The following CREB3L2 variants were observed in gnomAD, a reference collection of about 807,000 sequenced individuals.
The protein encoded by CREB3L2 is cAMP responsive element binding protein 3 like 2, also known as cyclic AMP-responsive element-binding protein 3-like protein 2.
A neutral mutation model predicts 57.2 loss-of-function variants in CREB3L2; 23 were observed. The observed-to-expected ratio is 0.40, with a 90% confidence interval of 0.29 to 0.57. The LOEUF (loss-of-function observed/expected upper bound fraction) is 0.57, where lower values mean the gene tolerates loss of function less well. Ranked by LOEUF, CREB3L2 falls within the 20% of genes least tolerant of loss-of-function variation. The pLI is 0.42. For missense variants in CREB3L2, 628 were observed against 634.7 expected (o/e 0.99, Z 0.11); for synonymous variants, 268 against 265.1 (o/e 1.01, Z -0.11).
intron 11 of CREB3L2, among the ~76,000 whole-genome samples, chr7:137,881,755 T>C (rs1799297129): frequency 6.6e-6 from 1 of 152,106 alleles, no homozygotes; most frequent in East Asian, 1.9e-4. Context: ...CCTCCCCTAT[T>C]ACAACAACAA....
At chr7:137,969,793 CA>C (rs531343885) in intron 1 of CREB3L2, among the ~76,000 whole-genome samples, 4 of 78,512 alleles carry the variant, frequency 5.1e-5, no homozygotes, top group South Asian at 4.4e-4. Context: ...CACACACACA[CA>C]ACATACACAT....
intron 5 of CREB3L2, 26 bp downstream of exon 5, chr7:137,908,226 T>A: frequency 8.0e-7 from 1 of 1,250,350 alleles, no homozygotes; most frequent in Non-Finnish European, 1.0e-6. Context: ...TTCCCTTTGG[T>A]CCAGGAATGC....
intron 7 of CREB3L2, among the ~76,000 whole-genome samples, chr7:137,903,471 C>T (rs1192311151): frequency 6.6e-6 from 1 of 151,374 alleles, no homozygotes; most frequent in East Asian, 1.9e-4. Context: ...CAAAGATTGC[C>T]TTCAAGTGTT....
intron 1 of CREB3L2, among the ~76,000 whole-genome samples, chr7:137,994,882 C>T (rs1585683794): frequency 6.6e-6 from 1 of 152,164 alleles, no homozygotes; most frequent in African/African-American, 2.4e-5. Context: ...TTTCTAGTTG[C>T]TAGCCCATGT....
At position 137,927,407 on chromosome 7, in the gene CREB3L2, G is replaced by A. The variant is rs549336297; in HGVS notation, c.319+743C>T. On this transcript the variant is annotated intron_variant, in intron 2 of 11. Coordinates refer to ENST00000330387, the MANE Select transcript of CREB3L2 (RefSeq NM_194071.4). Reference sequence around the variant, plus strand: ...GAAGGGAGGGAAGGAGGGAAGGAAGGGAAGGGAAGGGAAGCAAGGGAGGGA... The same window carrying A: ...GAAGGGAGGGAAGGAGGGAAGGAAGAGAAGGGAAGGGAAGCAAGGGAGGGA... Among the ~76,000 whole-genome samples the A allele has an allele frequency of 7.7e-4, 99 of 129,138 alleles. 1 individual carries two copies. Among genetic ancestry groups the A allele is most frequent in the African/African-American group, 3.7e-3 (91 of 24,298 alleles). The allele number at this position is 129,138 out of a possible 152,430, so 84.7% of individuals were successfully genotyped here. A position where few individuals can be genotyped will look rare whatever the true frequency, so the allele number is the denominator to read the frequency against.
At position 137,878,558 on chromosome 7, in the gene CREB3L2, C is replaced by CTG. The variant is rs1799209268; in HGVS notation, c.*1917_*1918insCA. On this transcript the variant is annotated 3_prime_UTR_variant, in exon 12 of 12. Coordinates refer to ENST00000330387, the MANE Select transcript of CREB3L2 (RefSeq NM_194071.4). ...AGCAGAAGCAGAACCTACTAGCAAC[C>CTG]CTCCTCCTGCACAGCTCAGACAGTC... The CTG allele has an allele frequency of 4.3e-6, 1 of 233,288 alleles. No homozygotes were observed. Among genetic ancestry groups the CTG allele is most frequent in the Non-Finnish European group, 8.5e-6 (1 of 118,262 alleles). 14.5% of individuals were successfully genotyped at this position (233,288 alleles called of 1,614,324 possible).
At chr7:137,904,082 G>A in intron 6 of CREB3L2, 65 bp from the exon 7 acceptor site, 1 of 1,360,428 alleles carries the variant, frequency 7.4e-7, no homozygotes, top group Non-Finnish European at 1.1e-6. Context: ...AGTTAAGATG[G>A]GAGGTGGTTA....
chr7:137,938,222 G>A (rs954711907), intron 1 of CREB3L2, among the ~76,000 whole-genome samples: 3 of 152,198 alleles, frequency 2.0e-5, no homozygotes, highest in African/African-American at 4.8e-5. Flanking sequence ...CTACCAATAT[G>A]ATGGTAGATG....
Position 137,879,966 on chromosome 7 carries a change from G to C in CREB3L2, c.*510C>G. Reference sequence around the variant, plus strand: ...AGACGATCCAGCGAGGGCTCCCAGGGGGCAGAGTGGGCGGAGGGCTGCTGT... The same window carrying C: ...AGACGATCCAGCGAGGGCTCCCAGGCGGCAGAGTGGGCGGAGGGCTGCTGT... On this transcript the variant is annotated 3_prime_UTR_variant, in exon 12 of 12. Transcript: ENST00000330387. The C allele has an allele frequency of 8.4e-6, 2 of 238,388 alleles. No homozygotes were observed. The highest frequency in any genetic ancestry group is 1.2e-4 in the East Asian group (2 of 16,662). The allele number at this position is 238,388 out of a possible 1,614,324, so 14.8% of individuals were successfully genotyped here. A position where few individuals can be genotyped will look rare whatever the true frequency, so the allele number is the denominator to read the frequency against.
At chr7:137,969,175 A>C (rs1350402104) in intron 1 of CREB3L2, among the ~76,000 whole-genome samples, 1 of 152,156 alleles carries the variant, frequency 6.6e-6, no homozygotes, top group Non-Finnish European at 1.5e-5. Flanking sequence ...GCATGATGAT[A>C]TCAAGATTAC....
intron 1 of CREB3L2, among the ~76,000 whole-genome samples, chr7:137,963,745 G>A (rs1195130776): frequency 1.3e-5 from 2 of 152,136 alleles, no homozygotes; most frequent in Non-Finnish European, 2.9e-5. Flanking sequence ...TGCCGAAGCA[G>A]GGATAATTAT....
intron 1 of CREB3L2, among the ~76,000 whole-genome samples, chr7:137,996,685 G>A (rs1228799248): frequency 1.3e-5 from 2 of 152,188 alleles, no homozygotes; most frequent in African/African-American, 4.8e-5. Context: ...GAAGCCAGAT[G>A]GCCTTTCCAT....
intron 1 of CREB3L2, among the ~76,000 whole-genome samples, chr7:137,963,030 C>T (rs1801351691): frequency 1.3e-5 from 2 of 152,148 alleles, no homozygotes. Context: ...AGCTTTGGGG[C>T]CCTTGGATCT....
chr7:137,915,018 T>C (rs912777124), intron 3 of CREB3L2, among the ~76,000 whole-genome samples: 2 of 152,194 alleles, frequency 1.3e-5, no homozygotes, highest in Non-Finnish European at 2.9e-5. Context: ...TGAGCCACCG[T>C]GCCCGGCTGC....
chr7:137,972,726 TATATATATATAGAGAGAGAGAG>T (rs1307768955), intron 1 of CREB3L2, among the ~76,000 whole-genome samples: 4 of 26,530 alleles, frequency 1.5e-4, no homozygotes, highest in African/African-American at 2.8e-4. Flanking sequence ...TATATATATA[TATATATATATAGAGAGAGAGAG>T]AGAGAGAGAG....
chr7:137,922,056 A>G (rs1322715422), intron 2 of CREB3L2, among the ~76,000 whole-genome samples: 1 of 151,838 alleles, frequency 6.6e-6, no homozygotes, highest in African/African-American at 2.4e-5. Context: ...GATCACAGTC[A>G]TGAGCACCCA....
chr7:137,927,346 AAGGG>A (rs1483757066), intron 2 of CREB3L2, among the ~76,000 whole-genome samples: 6 of 144,038 alleles, frequency 4.2e-5, no homozygotes, highest in Admixed American at 1.4e-4. Flanking sequence ...GGGAAAGAGG[AAGGG>A]AGAGAGAAAA....
intron 1 of CREB3L2, among the ~76,000 whole-genome samples, chr7:137,994,016 C>T (rs4728427): frequency 0.9 from 136,364 of 151,972 alleles, 61,707 homozygotes; most frequent in South Asian, 0.98. Flanking sequence ...AGGGTGCATC[C>T]ACTGAGCAGG....
In CREB3L2 at chr7:138,001,643, C is replaced by G. The variant is rs1314711147; in HGVS notation, c.63G>C (p.Leu21=). ...VLQWDRKLSE[L]SEPGDGEALM... Reference sequence around the variant, plus strand: ...GGGCCTCGCCGTCCCCGGGCTCTGACAGCTCGCTCAGCTTGCGGTCCCACT... The same window carrying G: ...GGGCCTCGCCGTCCCCGGGCTCTGAGAGCTCGCTCAGCTTGCGGTCCCACT... Residue 21 remains leucine (L), a synonymous_variant, in exon 1 of 12, where the codon CTG becomes CTC. Coordinates refer to ENST00000330387, the MANE Select transcript of CREB3L2 (RefSeq NM_194071.4). The surrounding 1 kb of genome is among the most constrained non-coding windows in gnomAD (Gnocchi z 4.2). The G allele has an allele frequency of 1.9e-6, 3 of 1,613,318 alleles. No individual in the cohort carries two copies. Among genetic ancestry groups the G allele is most frequent in the Non-Finnish European group, 2.5e-6 (3 of 1,179,800 alleles).
Sources: gnomAD v4.1 joint callset for allele counts (sites outside exome capture counted in the v4.1 genomes callset) on GRCh38, gnomAD v4.1.1 for gene constraint, Gnocchi (gnomAD v3.1) non-coding constraint, MANE v1.5 for transcripts, NCBI Gene and HGNC (gene_info 2026-07-23, HGNC 2026-07-21) for gene names.